The following RAB43 variants were observed in gnomAD, a reference collection of about 807,000 sequenced individuals.
RAB43 encodes ras-related protein Rab-43.
A neutral mutation model predicts 18.8 loss-of-function variants in RAB43; 6 were observed. That is an observed-to-expected ratio of 0.32 (90% CI 0.17 to 0.63). The LOEUF (loss-of-function observed/expected upper bound fraction) is 0.63, where lower values mean the gene tolerates loss of function less well. RAB43 is among the 30% of genes least tolerant of loss of function. The pLI is 0.79. For missense variants in RAB43, 195 were observed against 289.1 expected (o/e 0.67, Z 2.36); for synonymous variants, 103 against 124.1 (o/e 0.83, Z 1.13).
intron 1 of RAB43, among the ~76,000 whole-genome samples, chr3:129,103,203 A>G (rs558009371): frequency 6.6e-6 from 1 of 152,230 alleles, no homozygotes; most frequent in South Asian, 2.1e-4. Context: ...CTTGGGCTCC[A>G]AGTCCCCACT....
At chr3:129,112,377 T>C (rs189950880) in intron 1 of RAB43, among the ~76,000 whole-genome samples, 19 of 152,210 alleles carry the variant, frequency 1.2e-4, no homozygotes, top group Non-Finnish European at 5.9e-5. Flanking sequence ...TCCATGGCCA[T>C]AAAAATGGTG....
At chr3:129,108,542 G>A (rs1308637731) in intron 1 of RAB43, among the ~76,000 whole-genome samples, 1 of 152,186 alleles carries the variant, frequency 6.6e-6, no homozygotes, top group Non-Finnish European at 1.5e-5. Flanking sequence ...CTGGGAGAGA[G>A]CAGGTACCTA....
intron 2 of RAB43, among the ~76,000 whole-genome samples, chr3:129,094,505 C>CTTTTTTT (rs200896936): frequency 0.01 from 701 of 69,154 alleles, 121 homozygotes; most frequent in Non-Finnish European, 0.014. Flanking sequence ...ATATAACTTT[C>CTTTTTTT]TTTTTTTTTT....
At chr3:129,109,299 A>G (rs1934990149) in intron 1 of RAB43, among the ~76,000 whole-genome samples, 1 of 150,772 alleles carries the variant, frequency 6.6e-6, no homozygotes, top group African/African-American at 2.4e-5. Flanking sequence ...ACTTCCAGCT[A>G]CTCGGGAGGC....
rs1192895408 is a variant in RAB43 at position 129,110,640 on chromosome 3, G to C, written c.204+10646C>G. Among the ~76,000 whole-genome samples the C allele has an allele frequency of 2.0e-5, 3 of 152,036 alleles. No homozygotes were observed. In the East Asian group the frequency reaches 5.8e-4, roughly 29 times the overall value. On this transcript the variant is annotated intron_variant, in intron 1 of 2. Transcript: ENST00000315150. Reference sequence around the variant, plus strand: ...GATCACGAGGTCAGAAGATCAAGACGATCCTGACTAACATGGTGAAACCCC... The same window carrying C: ...GATCACGAGGTCAGAAGATCAAGACCATCCTGACTAACATGGTGAAACCCC...
Position 129,089,857 on chromosome 3 carries a change from A to C in RAB43, c.*1239T>G, listed in dbSNP as rs1223800143. 6.0e-4 allele frequency: 70 copies of C among 116,656 alleles called. No homozygotes were observed. Among genetic ancestry groups the C allele is most frequent in the Non-Finnish European group, 2.5e-4 (14 of 55,922 alleles). 7.2% of individuals were successfully genotyped at this position (116,656 alleles called of 1,614,324 possible). On this transcript the variant is annotated 3_prime_UTR_variant, in exon 3 of 3. Coordinates refer to ENST00000315150, the MANE Select transcript of RAB43 (RefSeq NM_198490.3). ...CCGACGCAGCCCTGCTCGTGGGTCC[A>C]AGAGCTGCTTACTTCTGGGGGCACC...
chr3:129,120,303 C>T (rs2107588420), intron 1 of RAB43, among the ~76,000 whole-genome samples: 1 of 152,294 alleles, frequency 6.6e-6, no homozygotes, highest in South Asian at 2.1e-4. Flanking sequence ...TAGAGCCACC[C>T]GGAGAGGCAG....
At chr3:129,118,741 C>T (rs1000191151) in intron 1 of RAB43, among the ~76,000 whole-genome samples, 2 of 152,164 alleles carry the variant, frequency 1.3e-5, no homozygotes, top group Non-Finnish European at 2.9e-5. Context: ...TGGCCAGGCT[C>T]ATCTCGAACT....
intron 2 of RAB43, 30 bp from the exon 3 acceptor site, chr3:129,091,376 C>A: frequency 1.3e-6 from 2 of 1,594,772 alleles, no homozygotes; most frequent in South Asian, 1.1e-5. Flanking sequence ...CAGCATGAGG[C>A]CATGGGGGCT....
chr3:129,101,927 A>C (rs1934440127), intron 1 of RAB43, among the ~76,000 whole-genome samples: 1 of 152,210 alleles, frequency 6.6e-6, no homozygotes, highest in South Asian at 2.1e-4. Flanking sequence ...AGCTTTGCAC[A>C]CACACAAAGG....
chr3:129,115,126 G>A (rs1299246374), intron 1 of RAB43, among the ~76,000 whole-genome samples: 1 of 152,154 alleles, frequency 6.6e-6, no homozygotes, highest in Admixed American at 6.5e-5. Flanking sequence ...CTATGGTACA[G>A]TATCCCCCAC....
chr3:129,114,375 T>C (rs899040379), intron 1 of RAB43, among the ~76,000 whole-genome samples: 2 of 152,160 alleles, frequency 1.3e-5, no homozygotes, highest in Admixed American at 1.3e-4. Flanking sequence ...AGGAGAAAAG[T>C]ACCAGACTAG....
chr3:129,121,556 G>A lies in RAB43; in HGVS notation c.-67C>T, dbSNP rs906628190. On this transcript the variant is annotated 5_prime_UTR_variant, in exon 1 of 3. Coordinates refer to ENST00000315150, the MANE Select transcript of RAB43 (RefSeq NM_198490.3). ...ACCGGCCTGAGCTCACGCAAGCCGC[G>A]GGCCGAGCTCCGCCCGCTCCAGCCC... is the stretch of plus-strand genomic sequence containing the variant. 42 of 1,381,824 alleles carry A rather than the reference G, an allele frequency of 3.0e-5. No homozygotes were observed. In the East Asian group the frequency reaches 7.9e-4, roughly 26 times the overall value. The allele number at this position is 1,381,824 out of a possible 1,614,324, so 85.6% of individuals were successfully genotyped here.
intron 2 of RAB43, among the ~76,000 whole-genome samples, chr3:129,094,268 A>C (rs993384101): frequency 1.3e-5 from 2 of 152,166 alleles, no homozygotes; most frequent in African/African-American, 4.8e-5. Flanking sequence ...TGTGCGGCAC[A>C]ACAGAGAAAG....
Position 129,095,049 on chromosome 3 carries a change from C to A in RAB43, c.325G>T (p.Val109Leu), listed in dbSNP as rs1309187272. 6.2e-7 allele frequency: 1 copy of A among 1,613,860 alleles called. No individual in the cohort carries two copies. The highest frequency in any genetic ancestry group is 8.5e-7 in the Non-Finnish European group (1 of 1,179,846). Residue 109 changes from valine (V) to leucine (L), a missense_variant, in exon 2 of 3, where the codon GTG (valine) becomes TTG (leucine). By Grantham distance (32) the Val-to-Leu change is conservative. Transcript: ENST00000315150. The surrounding 1 kb of genome is among the most constrained non-coding windows in gnomAD (Gnocchi z 4.2). ...DITKRSSFLS[V>L]PHWIEDVRKY... The stretch of plus-strand genomic sequence containing the variant: ...CTCACATCCTCAATCCAGTGAGGCA[C>A]CGACAGGAAGGAGCTCCTCTTGGTG...
chr3:129,094,176 G>A (rs1213087331), intron 2 of RAB43, among the ~76,000 whole-genome samples: 1 of 152,200 alleles, frequency 6.6e-6, no homozygotes, highest in African/African-American at 2.4e-5. Context: ...AGATGCTCTG[G>A]AGGTTGAGGC....
intron 1 of RAB43, among the ~76,000 whole-genome samples, chr3:129,101,494 CA>C (rs777993232): frequency 7.4e-4 from 112 of 152,180 alleles, no homozygotes; most frequent in Non-Finnish European, 1.4e-3. Flanking sequence ...GAGCACGCTA[CA>C]GAATGTGAAA....
chr3:129,099,181 T>A (rs1268792931), intron 1 of RAB43, among the ~76,000 whole-genome samples: 2 of 151,244 alleles, frequency 1.3e-5, no homozygotes, highest in Non-Finnish European at 3.0e-5. Flanking sequence ...AACCTCCGCC[T>A]CCCGGGTTCA....
intron 1 of RAB43, among the ~76,000 whole-genome samples, chr3:129,112,178 C>T (rs1452946221): frequency 1.8e-4 from 28 of 151,834 alleles, no homozygotes; most frequent in African/African-American, 6.5e-4. Flanking sequence ...TCACCTGAGC[C>T]CAAGGGGCAG....
Sources: gnomAD v4.1 joint callset for allele counts (sites outside exome capture counted in the v4.1 genomes callset) on GRCh38, gnomAD v4.1.1 for gene constraint, Gnocchi (gnomAD v3.1) non-coding constraint, MANE v1.5 for transcripts, NCBI Gene and HGNC (gene_info 2026-07-23, HGNC 2026-07-21) for gene names.